Variants in MTUS2 observed in about 807,000 individuals in gnomAD.
The protein encoded by MTUS2 is microtubule associated scaffold protein 2, also known as microtubule-associated tumor suppressor candidate 2.
A neutral mutation model predicts 114.1 loss-of-function variants in MTUS2; 40 were observed. The ratio of observed to expected loss-of-function variants is 0.35; its 90% CI spans 0.27 to 0.46. MTUS2 has a LOEUF of 0.46. Ranked by LOEUF, MTUS2 falls within the 20% of genes least tolerant of loss-of-function variation. The pLI is 1.00. For synonymous variants in MTUS2, 688 were observed against 672.0 expected, an observed-to-expected ratio of 1.02 and a Z score of -0.37; for missense variants, 1,679 against 1,705.4, an observed-to-expected ratio of 0.98 and a Z score of 0.27.
At chr13:28,896,533 C>G (rs1018784882) in intron 2 of MTUS2, among the ~76,000 whole-genome samples, 1 of 152,126 alleles carries the variant, frequency 6.6e-6, no homozygotes, top group Non-Finnish European at 1.5e-5. Context: ...ACTTTCTTCA[C>G]AGAATTGGAA....
intron 2 of MTUS2, among the ~76,000 whole-genome samples, chr13:28,989,041 C>G (rs1884706407): frequency 6.6e-6 from 1 of 152,236 alleles, no homozygotes; most frequent in Admixed American, 6.5e-5. Flanking sequence ...GGACTAGCTT[C>G]TAATCAAGAG....
At chr13:29,482,559 G>A (rs966486810) in intron 10 of MTUS2, among the ~76,000 whole-genome samples, 2 of 152,146 alleles carry the variant, frequency 1.3e-5, no homozygotes, top group African/African-American at 4.8e-5. Flanking sequence ...AATATCTATG[G>A]AATGTGCATT....
At chr13:29,136,303 A>G (rs1005583684) in intron 5 of MTUS2, among the ~76,000 whole-genome samples, 13 of 152,230 alleles carry the variant, frequency 8.5e-5, no homozygotes, top group African/African-American at 3.1e-4. Context: ...TGTGAAATAT[A>G]TATGTGGTCA....
At chr13:29,383,086 A>G (rs1475741877) in intron 8 of MTUS2, among the ~76,000 whole-genome samples, 2 of 152,070 alleles carry the variant, frequency 1.3e-5, no homozygotes, top group African/African-American at 2.4e-5. Flanking sequence ...GCCACTTAAC[A>G]CAGACATGTA....
In MTUS2 at chr13:28,970,600, A is replaced by G. The variant is rs1049512582; in HGVS notation, c.-242-53857A>G. ...TCTGGAACCATAAATTAGAACAGGA[A>G]GAAAAGTAAGAAGATGAAGGCTTGA... On this transcript the variant is annotated intron_variant, in intron 2 of 15. Coordinates refer to ENST00000612955, the MANE Select transcript of MTUS2 (RefSeq NM_001033602.4). 4.6e-5 allele frequency among the ~76,000 whole-genome samples: 7 copies of G among 152,382 alleles called. No homozygotes were observed. In the South Asian group the frequency reaches 1.5e-3, roughly 32 times the overall value.
chr13:29,256,215 C>T (rs1897279202), intron 5 of MTUS2, among the ~76,000 whole-genome samples: 1 of 152,222 alleles, frequency 6.6e-6, no homozygotes, highest in Non-Finnish European at 1.5e-5. Flanking sequence ...CAGAGCTTAT[C>T]CCAATGGTGG....
At chr13:29,403,792 T>C (rs929279949) in intron 8 of MTUS2, among the ~76,000 whole-genome samples, 9 of 152,160 alleles carry the variant, frequency 5.9e-5, no homozygotes, top group African/African-American at 2.2e-4. Context: ...TCTTGGAACT[T>C]CTCAGCCTCT....
chr13:29,208,879 G>T (rs1456051117), intron 5 of MTUS2, among the ~76,000 whole-genome samples: 1 of 152,070 alleles, frequency 6.6e-6, no homozygotes, highest in Non-Finnish European at 1.5e-5. Flanking sequence ...AATGTTCCAT[G>T]TGCTGATGAA....
intron 5 of MTUS2, among the ~76,000 whole-genome samples, chr13:29,199,115 A>G (rs185711797): frequency 6.6e-6 from 1 of 152,292 alleles, no homozygotes; most frequent in Admixed American, 6.5e-5. Context: ...TATGGAAACA[A>G]AAAAGAGCCA....
intron 2 of MTUS2, among the ~76,000 whole-genome samples, chr13:28,957,687 G>A (rs188265957): frequency 2.1e-5 from 2 of 93,188 alleles, no homozygotes; most frequent in African/African-American, 3.2e-5. Flanking sequence ...GTATCTGGAG[G>A]GGGGGGTCCT....
At chr13:29,041,620 C>T (rs2479764) in intron 4 of MTUS2, among the ~76,000 whole-genome samples, 145,491 of 152,222 alleles carry the variant, frequency 0.96, 69,632 homozygotes, top group South Asian at 0.98. Flanking sequence ...TGATTTTTTT[C>T]GGCAGTGTTT....
At chr13:29,493,425 T>G (rs754221098) in intron 12 of MTUS2, among the ~76,000 whole-genome samples, 3 of 152,112 alleles carry the variant, frequency 2.0e-5, no homozygotes, top group Non-Finnish European at 4.4e-5. Flanking sequence ...CATTTCCAAG[T>G]GTAGCAATTC....
chr13:29,148,155 G>A lies in MTUS2; in HGVS notation c.2644+47185G>A, dbSNP rs367706454. On this transcript the variant is annotated intron_variant, in intron 5 of 15. Coordinates refer to ENST00000612955, the MANE Select transcript of MTUS2 (RefSeq NM_001033602.4). ...ATTCTGAACGTTGTGAGATGGTATC[G>A]TATTGTGGTTTTGATTTTTTTTTCT... Among the ~76,000 whole-genome samples the A allele has an allele frequency of 8.0e-5, 12 of 149,344 alleles. No homozygotes were observed. In the East Asian group the frequency reaches 2.0e-3, roughly 24 times the overall value.
intron 8 of MTUS2, among the ~76,000 whole-genome samples, chr13:29,395,060 A>G (rs1042446602): frequency 6.6e-6 from 1 of 152,202 alleles, no homozygotes; most frequent in Admixed American, 6.5e-5. Flanking sequence ...AAAATATGTC[A>G]AAGAAATATA....
intron 2 of MTUS2, among the ~76,000 whole-genome samples, chr13:28,862,643 A>G (rs774663136): frequency 6.6e-6 from 1 of 152,136 alleles, no homozygotes; most frequent in African/African-American, 2.4e-5. Context: ...AACCCTCTAC[A>G]CACAAGTTGT....
intron 6 of MTUS2, among the ~76,000 whole-genome samples, chr13:29,323,116 T>C (rs957435794): frequency 5.3e-5 from 8 of 152,222 alleles, no homozygotes; most frequent in African/African-American, 1.7e-4. Context: ...GCATTTGTCC[T>C]CTGAAGATCC....
chr13:29,305,062 G>C (rs1287089223), intron 6 of MTUS2, among the ~76,000 whole-genome samples: 1 of 152,148 alleles, frequency 6.6e-6, no homozygotes, highest in Non-Finnish European at 1.5e-5. Flanking sequence ...AATTAAGGCA[G>C]AAATCAAGAA....
intron 8 of MTUS2, among the ~76,000 whole-genome samples, chr13:29,408,660 G>A (rs983597202): frequency 6.6e-6 from 1 of 152,092 alleles, no homozygotes; most frequent in Non-Finnish European, 1.5e-5. Context: ...TTTTTGTTAT[G>A]GGGTGAGGTA....
chr13:29,462,836 G>A (rs572371586), intron 9 of MTUS2, among the ~76,000 whole-genome samples: 17 of 152,202 alleles, frequency 1.1e-4, no homozygotes, highest in Admixed American at 4.6e-4. Flanking sequence ...AGAGGGAATC[G>A]CAGGGAATGA....
Sources: allele counts gnomAD v4.1 joint callset (sites outside exome capture counted in the v4.1 genomes callset), GRCh38; gene constraint gnomAD v4.1.1; transcripts MANE v1.5; gene names NCBI Gene and HGNC (gene_info 2026-07-23, HGNC 2026-07-21).